Variants in ADGRG1 observed in about 807,000 individuals in gnomAD.
ADGRG1 encodes the protein 7-transmembrane protein with no EGF-like N-terminal domains-1.
In ADGRG1, 53 loss-of-function variants were observed where a neutral mutation model predicts 73.5. The observed-to-expected ratio is 0.72, with a 90% CI of 0.58 to 0.91. The LOEUF (loss-of-function observed/expected upper bound fraction) is 0.91. Ranked by LOEUF, ADGRG1 falls within the 40% of genes least tolerant of loss-of-function variation. The probability of loss-of-function intolerance (pLI) is 0.00; values close to 1 mark genes in which losing one functional copy is unlikely to be tolerated. For synonymous variants in ADGRG1, 394 were observed against 374.4 expected (o/e 1.05, Z -0.60); for missense variants, 795 against 871.8 (o/e 0.91, Z 1.11).
intron 1 of ADGRG1, chr16:57,647,516 C>A: frequency 1.2e-6 from 1 of 809,206 alleles, no homozygotes; most frequent in South Asian, 5.6e-5. Context: ...ATTTAATTCT[C>A]ACAATGACCT....
upstream of ADGRG1, chr16:57,627,106 C>T: frequency 3.1e-6 from 3 of 966,972 alleles, no homozygotes; most frequent in South Asian, 1.5e-4. Context: ...TTATGGCCTC[C>T]CTGCACCCCA....
intron 1 of ADGRG1, chr16:57,644,068 G>A: frequency 1.0e-6 from 1 of 985,364 alleles, no homozygotes; most frequent in African/African-American, 1.7e-5. Flanking sequence ...ACCCACCATG[G>A]AGGAAACACC....
chr16:57,650,709 CTT>C (rs533496874), intron 2 of ADGRG1, among the ~76,000 whole-genome samples: 3 of 128,924 alleles, frequency 2.3e-5, no homozygotes, highest in Admixed American at 8.1e-5. Flanking sequence ...TCAGTTTCCT[CTT>C]TTTTTTTTTT....
rs1458188277 is a variant in ADGRG1, at chr16:57,665,312, CTCA to C, written c.*1734_*1736del. ...CAACCCCATGCTGAGAGCGTGGCTG[CTCA>C]TCAGCTCCAGCTGGTCACTACCTTG... is the stretch of plus-strand genomic sequence containing the variant. On this transcript the variant is annotated 3_prime_UTR_variant, in exon 14 of 14. Coordinates refer to ENST00000562631, the MANE Select transcript of ADGRG1 (RefSeq NM_201525.4). The C allele has an allele frequency of 6.6e-6, 1 of 152,232 alleles. No homozygotes were observed. Among genetic ancestry groups the C allele is most frequent in the East Asian group, 1.9e-4 (1 of 5,198 alleles). The allele number at this position is 152,232 out of a possible 1,614,324, so 9.4% of individuals were successfully genotyped here.
chr16:57,641,222 G>A, intron 1 of ADGRG1: 1 of 907,614 alleles, frequency 1.1e-6, no homozygotes, highest in Non-Finnish European at 1.3e-6. Context: ...CAAGATTCCA[G>A]TTGGCTGCAG....
chr16:57,624,242 G>C, upstream of ADGRG1: 4 of 845,666 alleles, frequency 4.7e-6, no homozygotes, highest in Non-Finnish European at 5.7e-6. Context: ...GCTCACACCT[G>C]TAATCCCAGC....
At chr16:57,641,368 G>A (rs1260306776) in intron 1 of ADGRG1, 3 of 982,424 alleles carry the variant, frequency 3.1e-6, no homozygotes, top group African/African-American at 1.8e-5. Flanking sequence ...ATGGCCAGGT[G>A]GAGACTTGGC....
At chr16:57,643,630 C>G (rs1359480609) in intron 1 of ADGRG1, 1 of 984,076 alleles carries the variant, frequency 1.0e-6, no homozygotes, top group Non-Finnish European at 1.2e-6. Context: ...GTGGGCCAGG[C>G]CTGGGCACCT....
At chr16:57,653,537 C>A in intron 4 of ADGRG1, 1 of 985,398 alleles carries the variant, frequency 1.0e-6, no homozygotes, top group Non-Finnish European at 1.2e-6. Flanking sequence ...TAACCAACAT[C>A]ACATCCACCA....
At chr16:57,630,878 C>A in intron 1 of ADGRG1, 1 of 844,692 alleles carries the variant, frequency 1.2e-6, no homozygotes, top group Non-Finnish European at 1.4e-6. Flanking sequence ...ACGATACAAG[C>A]TGGGGACCAC....
chr16:57,654,811 C>T (rs1290739638), intron 5 of ADGRG1, among the ~76,000 whole-genome samples: 2 of 152,130 alleles, frequency 1.3e-5, no homozygotes, highest in African/African-American at 4.8e-5. Context: ...ACCCGGGAGG[C>T]GGAGGTTGCA....
At chr16:57,635,250 G>C (rs577367828) in intron 1 of ADGRG1, 1 of 985,194 alleles carries the variant, frequency 1.0e-6, no homozygotes, top group African/African-American at 1.7e-5. Flanking sequence ...AGAAACCCTC[G>C]TGCACAGCTT....
Position 57,659,109 on chromosome 16 carries a change from T to C in ADGRG1, c.1287-304T>C, listed in dbSNP as rs777066521. ...CAACATGGTGAAAATGCCAAAGTGT[T>C]TCCGCTCTGACTTTGAGAGTATCTG... is the stretch of plus-strand genomic sequence containing the variant. On this transcript the variant is annotated intron_variant, in intron 10 of 13. Transcript: ENST00000562631. 299 of 985,304 alleles carry C rather than the reference T, an allele frequency of 3.0e-4. No homozygotes were observed. In the Middle Eastern group the frequency reaches 3.7e-3, roughly 12 times the overall value. The allele number at this position is 985,304 out of a possible 1,614,324, so 61.0% of individuals were successfully genotyped here.
chr16:57,647,603 A>T, intron 1 of ADGRG1: 1 of 344,328 alleles, frequency 2.9e-6, no homozygotes, highest in Non-Finnish European at 4.1e-6. Context: ...AACTAGCCCA[A>T]GGACACACAG....
At chr16:57,652,208 C>G (rs1393255765) in intron 3 of ADGRG1, 17 of 957,396 alleles carry the variant, frequency 1.8e-5, no homozygotes, top group Non-Finnish European at 2.1e-5. Context: ...GAAGCTGCAT[C>G]TTCCCCCTTG....
intron 13 of ADGRG1, among the ~76,000 whole-genome samples, chr16:57,662,300 G>A (rs762938614): frequency 1.3e-5 from 2 of 152,208 alleles, no homozygotes; most frequent in Non-Finnish European, 2.9e-5. Context: ...TCGTGAGCAC[G>A]TGCTGCACAG....
chr16:57,661,013 G>A, intron 12 of ADGRG1, 137 bp downstream of exon 12: 3 of 719,938 alleles, frequency 4.2e-6, no homozygotes, highest in Admixed American at 4.0e-5. Context: ...GGCAGTGGCT[G>A]AAGCACTGGT....
chr16:57,620,086 GGAGCAGGCCACA>G (rs1402140973), upstream of ADGRG1: 1 of 152,410 alleles, frequency 6.6e-6, no homozygotes, highest in Non-Finnish European at 1.5e-5. Flanking sequence ...TGGAAGGGGA[GGAGCAGGCCACA>G]CAGGCACAGG....
At chr16:57,646,785 G>A (rs865826015) in intron 1 of ADGRG1, 118 of 864,840 alleles carry the variant, frequency 1.4e-4, no homozygotes, top group Middle Eastern at 5.9e-4. Flanking sequence ...TGGTAGCAGT[G>A]AGACCCGTAT....
Sources: allele counts gnomAD v4.1 joint callset (sites outside exome capture counted in the v4.1 genomes callset), GRCh38; gene constraint gnomAD v4.1.1; transcripts MANE v1.5; gene names NCBI Gene and HGNC (gene_info 2026-07-23, HGNC 2026-07-21).